Variants in MYO3A observed in about 807,000 individuals in gnomAD.
The protein encoded by MYO3A is myosin IIIA, also known as myosin-IIIa.
Under a neutral mutation model 192.7 loss-of-function variants are expected in MYO3A, and 180 were observed. That is an observed-to-expected ratio of 0.93 (90% CI 0.83 to 1.06). The LOEUF (loss-of-function observed/expected upper bound fraction) is 1.06, where lower values mean the gene tolerates loss of function less well. Among genes scored for constraint, MYO3A ranks in the 50% least tolerant of loss-of-function variants. The pLI is 0.00. For synonymous variants in MYO3A, 628 were observed against 645.3 expected, an observed-to-expected ratio of 0.97 and a Z score of 0.41; for missense variants, 1,896 against 1,905.0, an observed-to-expected ratio of 1.00 and a Z score of 0.09.
intron 2 of MYO3A, among the ~76,000 whole-genome samples, chr10:25,951,115 A>G (rs1378684638): frequency 2.0e-5 from 3 of 152,182 alleles, no homozygotes; most frequent in Non-Finnish European, 4.4e-5. Context: ...TGTGCCAGGT[A>G]TTGGACATAC....
At chr10:26,048,164 A>G (rs1843740555) in intron 10 of MYO3A, among the ~76,000 whole-genome samples, 1 of 152,198 alleles carries the variant, frequency 6.6e-6, no homozygotes. Flanking sequence ...TCAAACTGAC[A>G]TGCCCCTCAT....
intron 26 of MYO3A, among the ~76,000 whole-genome samples, chr10:26,165,046 C>T (rs1450278088): frequency 2.6e-5 from 4 of 152,138 alleles, no homozygotes; most frequent in Non-Finnish European, 5.9e-5. Context: ...TTCTTCTCCA[C>T]GGAGCCTAAC....
intron 7 of MYO3A, among the ~76,000 whole-genome samples, chr10:26,017,656 T>G (rs1842056313): frequency 6.6e-6 from 1 of 152,010 alleles, no homozygotes; most frequent in African/African-American, 2.4e-5. Flanking sequence ...ATTTGAATAC[T>G]TGTTTAATTA....
chr10:26,005,792 C>A (rs866335256), intron 6 of MYO3A, among the ~76,000 whole-genome samples: 25 of 151,952 alleles, frequency 1.6e-4, no homozygotes, highest in African/African-American at 6.0e-4. Flanking sequence ...GAAAAAGAAA[C>A]TAGGGGGAAA....
intron 31 of MYO3A, among the ~76,000 whole-genome samples, chr10:26,187,485 C>G (rs34240977): frequency 0.19 from 28,199 of 151,616 alleles, 2,797 homozygotes; most frequent in East Asian, 0.3. Context: ...TTGTGTGTGT[C>G]TGTCTTTTTT....
intron 10 of MYO3A, among the ~76,000 whole-genome samples, chr10:26,059,301 ATGTAT>A (rs1376024598): frequency 6.6e-6 from 1 of 152,132 alleles, no homozygotes; most frequent in Non-Finnish European, 1.5e-5. Context: ...TCTCATCATT[ATGTAT>A]TGTAACTGTA....
Position 25,987,145 on chromosome 10 carries a change from A to G in MYO3A, c.304-9345A>G, listed in dbSNP as rs146447032. On this transcript the variant is annotated intron_variant, in intron 4 of 34. Coordinates refer to ENST00000642920, the MANE Select transcript of MYO3A (RefSeq NM_017433.5). ...CTATTCAACAAATGGTGCTGGGATAATTGGCAAGCCACATATGGAAGAATG... is the reference window on the plus strand; with the variant it reads ...CTATTCAACAAATGGTGCTGGGATAGTTGGCAAGCCACATATGGAAGAATG... Among the ~76,000 whole-genome samples, 645 of 152,346 alleles carry G rather than the reference A, an allele frequency of 4.2e-3. 4 individuals carry two copies. Among genetic ancestry groups the G allele is most frequent in the African/African-American group, 0.015 (609 of 41,574 alleles).
At chr10:26,205,102 C>T (rs144750627) in intron 34 of MYO3A, among the ~76,000 whole-genome samples, 3 of 152,118 alleles carry the variant, frequency 2.0e-5, no homozygotes, top group African/African-American at 4.8e-5. Context: ...GAGACAACAG[C>T]GATGGTGAAC....
intron 10 of MYO3A, among the ~76,000 whole-genome samples, chr10:26,037,839 A>C (rs1295308807): frequency 6.6e-6 from 1 of 152,154 alleles, no homozygotes; most frequent in Non-Finnish European, 1.5e-5. Context: ...GAAATTCTAC[A>C]CACTTTCAAA....
At chr10:26,117,448 A>C (rs1838580649) in intron 17 of MYO3A, among the ~76,000 whole-genome samples, 1 of 151,922 alleles carries the variant, frequency 6.6e-6, no homozygotes, top group Non-Finnish European at 1.5e-5. Context: ...CCCATTAGTT[A>C]TTTTTCTTGA....
chr10:26,154,699 A>G, intron 24 of MYO3A, 47 bp from the exon 25 acceptor site: 1 of 1,551,246 alleles, frequency 6.4e-7, no homozygotes, highest in Non-Finnish European at 8.9e-7. Context: ...GTAGATAATA[A>G]AGTACAATAG....
intron 8 of MYO3A, chr10:26,022,393 T>G (rs1842351065): frequency 6.6e-6 from 1 of 152,244 alleles, no homozygotes; most frequent in Admixed American, 6.5e-5. Context: ...TTAATTATAA[T>G]GCAGTGCACA....
intron 15 of MYO3A, among the ~76,000 whole-genome samples, chr10:26,088,917 A>G (rs1210355252): frequency 6.6e-6 from 1 of 152,200 alleles, no homozygotes; most frequent in Non-Finnish European, 1.5e-5. Context: ...CTTTGATATT[A>G]AGTTGAATGA....
chr10:26,142,123 A>G (rs866286621), intron 20 of MYO3A, among the ~76,000 whole-genome samples: 30 of 152,366 alleles, frequency 2.0e-4, no homozygotes, highest in African/African-American at 7.0e-4. Context: ...GTCATCCACT[A>G]TAATGCCTTG....
At chr10:26,053,180 CAT>C (rs144095256) in intron 10 of MYO3A, among the ~76,000 whole-genome samples, 2,367 of 146,998 alleles carry the variant, frequency 0.016, 50 homozygotes, top group African/African-American at 0.054. Context: ...TATCTTGAAA[CAT>C]ATTTAATATA....
At position 26,193,298 on chromosome 10, in the gene MYO3A, A is replaced by G. The variant is rs749077798; in HGVS notation, c.4532A>G (p.Tyr1511Cys). 3.7e-6 allele frequency: 6 copies of G among 1,611,976 alleles called. No individual in the cohort carries two copies. Among genetic ancestry groups the G allele is most frequent in the East Asian group, 2.2e-5 (1 of 44,866 alleles). ...TLNNPEDSTY[Y>C]YLLHKSIQEE... The stretch of plus-strand genomic sequence containing the variant: ...AATAACCCTGAAGACTCCACATACT[A>G]TTATCTACTTCATGTAAGTGGCTCA... Residue 1511 changes from tyrosine to cysteine, a missense_variant, in exon 32 of 35, where the codon TAT becomes TGT. By Grantham distance (194) the Tyr-to-Cys change is radical. Coordinates refer to ENST00000642920, the MANE Select transcript of MYO3A (RefSeq NM_017433.5).
intron 9 of MYO3A, among the ~76,000 whole-genome samples, chr10:26,025,648 A>G (rs1021946122): frequency 3.3e-5 from 5 of 152,180 alleles, no homozygotes; most frequent in African/African-American, 9.7e-5. Flanking sequence ...TGACCACTGA[A>G]AACTACTTGA....
intron 2 of MYO3A, among the ~76,000 whole-genome samples, chr10:25,947,695 G>T (rs1182546959): frequency 6.6e-6 from 1 of 152,050 alleles, no homozygotes; most frequent in Non-Finnish European, 1.5e-5. Context: ...GCCTGGCAAA[G>T]ATGGTATTAT....
At chr10:26,145,972 A>G (rs1398330373) in intron 22 of MYO3A, among the ~76,000 whole-genome samples, 1 of 152,144 alleles carries the variant, frequency 6.6e-6, no homozygotes, top group Non-Finnish European at 1.5e-5. Flanking sequence ...TTTGGTATAG[A>G]CTGCCTTTTT....
Sources: allele counts gnomAD v4.1 joint callset (sites outside exome capture counted in the v4.1 genomes callset), GRCh38; gene constraint gnomAD v4.1.1; transcripts MANE v1.5; gene names NCBI Gene and HGNC (gene_info 2026-07-23, HGNC 2026-07-21).